Variants in SRRT observed in about 807,000 individuals in gnomAD.
The protein encoded by SRRT is serrate, RNA effector molecule, also known as serrate RNA effector molecule homolog.
A neutral mutation model predicts 103.2 loss-of-function variants in SRRT; 32 were observed. The observed-to-expected ratio is 0.31, with a 90% CI of 0.23 to 0.42. The LOEUF is 0.42. Ranked by LOEUF, SRRT falls within the 10% of genes least tolerant of loss-of-function variation. The pLI, the probability that SRRT is intolerant of heterozygous loss-of-function variation, is 1.00. For missense variants in SRRT, 986 were observed against 1,207.5 expected, an observed-to-expected ratio of 0.82 and a Z score of 2.72; for synonymous variants, 525 against 449.0, an observed-to-expected ratio of 1.17 and a Z score of -2.14.
Position 100,885,156 on chromosome 7 carries a change from C to T in SRRT, c.1160-57C>T, listed in dbSNP as rs1789968872. ...TTAGGGGAAAGCTTCTGTATCCTCC[C>T]CACCACAATCAGTAATAAAAATGCA... On this transcript the variant is annotated intron_variant, in intron 9 of 19. Transcript: ENST00000611405. The surrounding 1 kb of genome is among the most constrained non-coding windows in gnomAD (Gnocchi z 4.8). 3 of 1,603,754 alleles carry T rather than the reference C, an allele frequency of 1.9e-6. No homozygotes were observed. The highest frequency in any genetic ancestry group is 2.2e-5 in the South Asian group (2 of 90,438).
At position 100,875,558 on chromosome 7, in the gene SRRT, C is replaced by T. The variant is rs371076158; in HGVS notation, c.-18-15C>T. On this transcript the variant is annotated splice_polypyrimidine_tract_variant and intron_variant, in intron 1 of 19. Transcript: ENST00000611405. ...TCCTTTTGCACCACTCCTACCGCCT[C>T]TCCCCGGTCCCCAGGCCCCCTCAGA... is the stretch of plus-strand genomic sequence containing the variant. 2 of 1,613,046 alleles carry T rather than the reference C, an allele frequency of 1.2e-6. No individual in the cohort carries two copies. Among genetic ancestry groups the T allele is most frequent in the Non-Finnish European group, 1.7e-6 (2 of 1,179,404 alleles).
chr7:100,883,783 A>T (rs1789797333), intron 5 of SRRT, among the ~76,000 whole-genome samples: 1 of 152,062 alleles, frequency 6.6e-6, no homozygotes, highest in Non-Finnish European at 1.5e-5. Context: ...TAAAGTGGTA[A>T]ATCTGCCTCT....
chr7:100,881,528 A>G, intron 3 of SRRT, 115 bp downstream of exon 3: 2 of 1,560,432 alleles, frequency 1.3e-6, no homozygotes, highest in East Asian at 4.7e-5. Flanking sequence ...ACTTCCCATC[A>G]CCCATCGTTA....
chr7:100,886,603 G>C lies in SRRT; in HGVS notation c.1647+168G>C. 3.2e-6 allele frequency: 3 copies of C among 951,496 alleles called. No homozygotes were observed. The South Asian group carries it at 4.9e-5, about 15-fold the overall frequency. 58.9% of individuals were successfully genotyped at this position (951,496 alleles called of 1,614,324 possible). On this transcript the variant is annotated intron_variant, in intron 13 of 19. Coordinates refer to ENST00000611405, the MANE Select transcript of SRRT (RefSeq NM_015908.6). ...GCACCTCCAGATTCCAGCAGAACTG[G>C]GGGGATGCTAGTGATCATTTGTGGC...
chr7:100,881,142 C>T (rs796605754), intron 2 of SRRT, 143 bp from the exon 3 acceptor site: 66 of 578,976 alleles, frequency 1.1e-4, no homozygotes, highest in African/African-American at 7.2e-4. Flanking sequence ...TGGCGGGGGG[C>T]GGGGGGGGGT....
At position 100,887,009 on chromosome 7, in the gene SRRT, G is replaced by A. The variant is rs750655701; in HGVS notation, c.1822-38G>A. 1.2e-6 allele frequency: 2 copies of A among 1,611,060 alleles called. No homozygotes were observed. Among genetic ancestry groups the A allele is most frequent in the Admixed American group, 1.7e-5 (1 of 59,920 alleles). On this transcript the variant is annotated intron_variant, in intron 14 of 19. Transcript: ENST00000611405. The surrounding 1 kb of genome is among the most constrained non-coding windows in gnomAD (Gnocchi z 4.1). ...CGGGGCACGTGGGGGCTCGGGCGGT[G>A]AGGGCAGGAGCTGAACGCTCGCATT...
At position 100,888,617 on chromosome 7, in the gene SRRT, A is replaced by AT. The variant is rs1158855852; in HGVS notation, c.*74dup. On this transcript the variant is annotated 3_prime_UTR_variant, in exon 20 of 20. Transcript: ENST00000611405. ...TACCTTGTCCTATGAAGCTCTGAGA[A>AT]TTTTTTGTACGATCAGCCTTACTGC... The AT allele has an allele frequency of 3.1e-6, 5 of 1,600,572 alleles. No individual in the cohort carries two copies. The Admixed American group carries it at 6.7e-5, about 21-fold the overall frequency.
chr7:100,880,372 G>A (rs1284259108), intron 2 of SRRT, among the ~76,000 whole-genome samples: 1 of 151,960 alleles, frequency 6.6e-6, no homozygotes, highest in African/African-American at 2.4e-5. Flanking sequence ...GCGCGATCTC[G>A]GCTCACTGCA....
intron 2 of SRRT, among the ~76,000 whole-genome samples, chr7:100,876,359 C>T (rs1033544461): frequency 6.6e-6 from 1 of 152,152 alleles, no homozygotes; most frequent in Non-Finnish European, 1.5e-5. Flanking sequence ...ACCATGTTGG[C>T]TAGGCTGGTT....
At position 100,877,747 on chromosome 7, in the gene SRRT, C is replaced by T. The variant is rs117849795; in HGVS notation, c.122+2035C>T. ...ATGTTGGCCAGCTGGTCTTGAACTC[C>T]TGACCTCACATATCCACCTGCTTCG... On this transcript the variant is annotated intron_variant, in intron 2 of 19. Transcript: ENST00000611405. Among the ~76,000 whole-genome samples the T allele has an allele frequency of 2.9e-3, 438 of 152,110 alleles. 9 individuals are homozygous for T. In the East Asian group the frequency reaches 0.035, roughly 12 times the overall value.
In SRRT at chr7:100,887,249, T is replaced by C; in HGVS notation, c.1975+49T>C. ...TCCCGGCTGCCCCTGGCCTTGGTCCTCCAGCCCCTTGCCACCATCCTTCCT... is the reference window on the plus strand; with the variant it reads ...TCCCGGCTGCCCCTGGCCTTGGTCCCCCAGCCCCTTGCCACCATCCTTCCT... On this transcript the variant is annotated intron_variant, in intron 15 of 19. Coordinates refer to ENST00000611405, the MANE Select transcript of SRRT (RefSeq NM_015908.6). This position sits in a 1 kb window ranked among gnomAD's most constrained non-coding sequence, Gnocchi z 4.1. The C allele has an allele frequency of 6.2e-7, 1 of 1,611,900 alleles. No individual in the cohort carries two copies. The highest frequency in any genetic ancestry group is 8.5e-7 in the Non-Finnish European group (1 of 1,178,340).
In SRRT at chr7:100,885,507, C is replaced by G. The variant is rs775440071; in HGVS notation, c.1317+137C>G. The stretch of plus-strand genomic sequence containing the variant: ...CCCCTTCCCCAGGTTCCATGGCCTC[C>G]GAGGACTAGTCCTGATAGCGCCATT... On this transcript the variant is annotated intron_variant, in intron 10 of 19. Transcript: ENST00000611405. This position sits in a 1 kb window ranked among gnomAD's most constrained non-coding sequence, Gnocchi z 4.8. The G allele has an allele frequency of 8.9e-7, 1 of 1,124,286 alleles. No individual in the cohort carries two copies. Among genetic ancestry groups the G allele is most frequent in the Non-Finnish European group, 1.3e-6 (1 of 792,618 alleles). 69.6% of individuals were successfully genotyped at this position (1,124,286 alleles called of 1,614,324 possible). A position where few individuals can be genotyped will look rare whatever the true frequency, so the allele number is the denominator to read the frequency against.
Position 100,885,488 on chromosome 7 carries a change from C to T in SRRT, c.1317+118C>T. On this transcript the variant is annotated intron_variant, in intron 10 of 19. Transcript: ENST00000611405. This position sits in a 1 kb window ranked among gnomAD's most constrained non-coding sequence, Gnocchi z 4.8. ...GTTTCACCTGCTAGGGAGGCCCCTT[C>T]CCCAGGTTCCATGGCCTCCGAGGAC... The T allele has an allele frequency of 8.1e-7, 1 of 1,229,276 alleles. No individual in the cohort carries two copies. Among genetic ancestry groups the T allele is most frequent in the Non-Finnish European group, 1.1e-6 (1 of 886,802 alleles). The allele number at this position is 1,229,276 out of a possible 1,614,324, so 76.1% of individuals were successfully genotyped here.
chr7:100,877,135 A>C (rs1815800554), intron 2 of SRRT, among the ~76,000 whole-genome samples: 2 of 151,962 alleles, frequency 1.3e-5, no homozygotes, highest in South Asian at 4.1e-4. Flanking sequence ...TTAAAAAAAA[A>C]AAGCCAGCCG....
Position 100,881,717 on chromosome 7 carries a change from G to C in SRRT, c.310G>C (p.Gly104Arg). The C allele has an allele frequency of 1.2e-6, 2 of 1,614,094 alleles. No homozygotes were observed. Among genetic ancestry groups the C allele is most frequent in the Non-Finnish European group, 1.7e-6 (2 of 1,180,024 alleles). Residue 104 changes from glycine (G) to arginine (R), a missense_variant, in exon 4 of 20, where the codon GGT becomes CGT. This residue lies in a region of SRRT where 274 missense variants were observed against 358.5 expected (regional missense o/e 0.76). Coordinates refer to ENST00000611405, the MANE Select transcript of SRRT (RefSeq NM_015908.6). ...SGYEMPYAGG[G>R]GGPTYGPPQP... ...CTATGAGATGCCCTATGCTGGGGGG[G>C]GTGGGGGCCCAACTTATGGCCCCCC...
chr7:100,886,576 C>A, intron 13 of SRRT, 141 bp downstream of exon 13: 1 of 986,462 alleles, frequency 1.0e-6, no homozygotes, highest in Non-Finnish European at 1.5e-6. Context: ...GTGTGGGTAG[C>A]AGCACCTCCA....
At chr7:100,883,343 T>A (rs1012417615) in intron 5 of SRRT, among the ~76,000 whole-genome samples, 2 of 152,150 alleles carry the variant, frequency 1.3e-5, no homozygotes, top group Non-Finnish European at 1.5e-5. Context: ...TTTCTCACAC[T>A]CTCCCCTTTC....
In SRRT at chr7:100,882,526, C is replaced by T; in HGVS notation, c.587+285C>T. ...CTTGGGGCAGCAGACAGACTGCTTC[C>T]CACTTGTTGGTGTTGGGTCATTGTC... On this transcript the variant is annotated intron_variant, in intron 5 of 19. Coordinates refer to ENST00000611405, the MANE Select transcript of SRRT (RefSeq NM_015908.6). This position sits in a 1 kb window ranked among gnomAD's most constrained non-coding sequence, Gnocchi z 4.2. 3.0e-6 allele frequency: 1 copy of T among 335,692 alleles called. No individual in the cohort carries two copies. The highest frequency in any genetic ancestry group is 4.7e-5 in the South Asian group (1 of 21,114). 20.8% of individuals were successfully genotyped at this position (335,692 alleles called of 1,614,324 possible).
chr7:100,882,244 G>A lies in SRRT; in HGVS notation c.587+3G>A. 1.2e-6 allele frequency: 2 copies of A among 1,613,542 alleles called. No homozygotes were observed. Among genetic ancestry groups the A allele is most frequent in the Non-Finnish European group, 1.7e-6 (2 of 1,179,606 alleles). ...CTGGCGCACAAAGATGAGGAGTGGT[G>A]AGTGCCCCTACTTCCCTGGACCTCT... On this transcript the variant is annotated splice_donor_region_variant and intron_variant, in intron 5 of 19. Coordinates refer to ENST00000611405, the MANE Select transcript of SRRT (RefSeq NM_015908.6). This position sits in a 1 kb window ranked among gnomAD's most constrained non-coding sequence, Gnocchi z 4.2.
Sources: allele counts gnomAD v4.1 joint callset (sites outside exome capture counted in the v4.1 genomes callset), GRCh38; gene constraint gnomAD v4.1.1; regional missense constraint gnomAD v4.1.1; non-coding constraint Gnocchi (gnomAD v3.1); transcripts MANE v1.5; gene names NCBI Gene and HGNC (gene_info 2026-07-23, HGNC 2026-07-21).